Variants in SETBP1 observed in about 807,000 individuals in gnomAD.
SETBP1 encodes SET binding protein 1, also known as SET-binding protein.
A neutral mutation model predicts 101.0 loss-of-function variants in SETBP1; 9 were observed. That is an observed-to-expected ratio of 0.09 (90% CI 0.05 to 0.16). The LOEUF is 0.16. Ranked by LOEUF, SETBP1 falls within the 10% of genes least tolerant of loss-of-function variation. SETBP1 has a pLI of 1.00. For synonymous variants in SETBP1, 818 were observed against 788.5 expected (o/e 1.04, Z -0.63); for missense variants, 1,858 against 2,033.8 (o/e 0.91, Z 1.66).
chr18:45,027,538 G>C (rs1355798430), intron 4 of SETBP1, among the ~76,000 whole-genome samples: 2 of 152,134 alleles, frequency 1.3e-5, no homozygotes, highest in African/African-American at 4.8e-5. Context: ...CAAGATATAG[G>C]AAAAGAATAT....
chr18:44,950,157 A>G lies in SETBP1; in HGVS notation c.817A>G (p.Thr273Ala), dbSNP rs774513800. 3 of 1,613,762 alleles carry G rather than the reference A, an allele frequency of 1.9e-6. No individual in the cohort carries two copies. The highest frequency in any genetic ancestry group is 1.7e-6 in the Non-Finnish European group (2 of 1,180,054). Residue 273 changes from threonine (T) to alanine (A), a missense_variant, in exon 4 of 6, where the codon ACG becomes GCG. By Grantham distance (58) the Thr-to-Ala change is moderately conservative (BLOSUM62 0). This residue lies in a region of SETBP1 where 581 missense variants were observed against 535.1 expected (regional missense o/e 1.09). Transcript: ENST00000649279. ...GGGTAAGAAAGGCAGTGCAGGGAAC[A>G]CGTGGAGTCAGTTGTCTAACAATAA... Reference protein sequence around the residue: ...AQGKKGSAGNTWSQLSNNNKD... With the variant: ...AQGKKGSAGNAWSQLSNNNKD...
intron 4 of SETBP1, among the ~76,000 whole-genome samples, chr18:44,967,865 C>T (rs1010596663): frequency 6.6e-6 from 1 of 152,202 alleles, no homozygotes; most frequent in Non-Finnish European, 1.5e-5. Context: ...CACCTTCTGG[C>T]TTTGCACATG....
chr18:44,906,152 G>A (rs2070170554), intron 3 of SETBP1, among the ~76,000 whole-genome samples: 1 of 152,160 alleles, frequency 6.6e-6, no homozygotes, highest in African/African-American at 2.4e-5. Flanking sequence ...AAAGACTCCA[G>A]GGGACACTGG....
At chr18:44,758,674 G>A (rs757462986) in intron 2 of SETBP1, among the ~76,000 whole-genome samples, 11 of 152,168 alleles carry the variant, frequency 7.2e-5, no homozygotes, top group Non-Finnish European at 1.5e-4. Context: ...GAGCCACCAC[G>A]CCCGGCCTGA....
rs141858699 is a variant in SETBP1, at chr18:44,950,108, C to T, written c.768C>T (p.Pro256=). The change falls in exon 4 of 6, where the codon CCC becomes CCT. Residue 256 remains proline (P), a synonymous_variant. Transcript: ENST00000649279. The stretch of plus-strand genomic sequence containing the variant: ...CCAGCAAGATCCCCGCTCTTGAGCC[C>T]GTGGCTTCCTTTGCAAAGGCCCAGG... The part of the protein sequence containing the change: ...ASTSKIPALE[P]VASFAKAQGK... 377 of 1,613,948 alleles carry T rather than the reference C, an allele frequency of 2.3e-4. No homozygotes were observed. The highest frequency in any genetic ancestry group is 2.9e-4 in the Non-Finnish European group (347 of 1,180,056).
chr18:44,684,264 A>C (rs1598986215), intron 1 of SETBP1, among the ~76,000 whole-genome samples: 1 of 152,056 alleles, frequency 6.6e-6, no homozygotes, highest in Admixed American at 6.6e-5. Context: ...TGTTTTACAA[A>C]CTCTTCATGA....
At position 45,017,563 on chromosome 18, in the gene SETBP1, C is replaced by T. The variant is rs1204570928; in HGVS notation, c.4001-20922C>T. On this transcript the variant is annotated intron_variant, in intron 4 of 5. Transcript: ENST00000649279. ...TTTTAGGGACTGGGATATGGTTTTC[C>T]ACTGGTGACAGAGACAAAGAGGTGG... Among the ~76,000 whole-genome samples the T allele has an allele frequency of 2.0e-5, 3 of 152,300 alleles. No homozygotes were observed. In the East Asian group the frequency reaches 5.8e-4, roughly 29 times the overall value.
At chr18:44,886,092 C>G (rs1599275935) in intron 3 of SETBP1, among the ~76,000 whole-genome samples, 2 of 152,116 alleles carry the variant, frequency 1.3e-5, no homozygotes, top group Middle Eastern at 6.8e-3. Context: ...AATTAGAAAA[C>G]AACATGACCA....
At chr18:44,927,594 G>A (rs1294161624) in intron 3 of SETBP1, among the ~76,000 whole-genome samples, 1 of 152,170 alleles carries the variant, frequency 6.6e-6, no homozygotes, top group Non-Finnish European at 1.5e-5. Flanking sequence ...TGAGCTATTT[G>A]GCCCGAAATA....
At chr18:44,730,552 T>A (rs2069816595) in intron 2 of SETBP1, among the ~76,000 whole-genome samples, 1 of 152,246 alleles carries the variant, frequency 6.6e-6, no homozygotes, top group Admixed American at 6.5e-5. Flanking sequence ...CTGTGTTGCT[T>A]GGTCTCTCCA....
intron 4 of SETBP1, among the ~76,000 whole-genome samples, chr18:44,968,458 A>G (rs1567999027): frequency 1.3e-5 from 2 of 152,164 alleles, no homozygotes; most frequent in Admixed American, 6.5e-5. Flanking sequence ...TGGTAAATTC[A>G]TCTATGTGGA....
At chr18:44,911,632 T>C (rs1372284674) in intron 3 of SETBP1, among the ~76,000 whole-genome samples, 2 of 152,216 alleles carry the variant, frequency 1.3e-5, no homozygotes, top group Non-Finnish European at 2.9e-5. Flanking sequence ...AATGTTCTCC[T>C]CACTCTGCTT....
intron 1 of SETBP1, among the ~76,000 whole-genome samples, chr18:44,697,921 C>A (rs547117830): frequency 4.6e-5 from 7 of 152,252 alleles, no homozygotes; most frequent in African/African-American, 1.4e-4. Flanking sequence ...AATTGCATGG[C>A]CGGCATTGCA....
At chr18:44,733,476 C>T (rs892991132) in intron 2 of SETBP1, among the ~76,000 whole-genome samples, 1 of 152,176 alleles carries the variant, frequency 6.6e-6, no homozygotes, top group African/African-American at 2.4e-5. Flanking sequence ...ATCTCTGTCC[C>T]CAAATGCTTG....
intron 5 of SETBP1, among the ~76,000 whole-genome samples, chr18:45,041,799 A>T (rs949447769): frequency 1.3e-5 from 2 of 152,018 alleles, no homozygotes; most frequent in Admixed American, 1.3e-4. Context: ...TCTACTAAAA[A>T]TACAAAAATT....
In SETBP1 at chr18:44,941,491, A is replaced by T. The variant is rs79740602; in HGVS notation, c.541-8390A>T. On this transcript the variant is annotated intron_variant, in intron 3 of 5. Transcript: ENST00000649279. ...TACAGTGTGCTTAGATGTGGTTTTCATGGGTGTTTTTATTCTGCTTGGGAT... is the reference window on the plus strand; with the variant it reads ...TACAGTGTGCTTAGATGTGGTTTTCTTGGGTGTTTTTATTCTGCTTGGGAT... Among the ~76,000 whole-genome samples, 97 of 151,952 alleles carry T rather than the reference A, an allele frequency of 6.4e-4. 1 individual carries two copies. In the East Asian group the frequency reaches 0.016, roughly 25 times the overall value.
intron 2 of SETBP1, among the ~76,000 whole-genome samples, chr18:44,751,705 T>C (rs2070383039): frequency 6.6e-6 from 1 of 152,214 alleles, no homozygotes; most frequent in South Asian, 2.1e-4. Context: ...TCTTAGTAAA[T>C]CCTTAATAAA....
chr18:44,926,328 G>A (rs1161520728), intron 3 of SETBP1, among the ~76,000 whole-genome samples: 1 of 152,094 alleles, frequency 6.6e-6, no homozygotes, highest in Admixed American at 6.6e-5. Flanking sequence ...ATTATCAAAG[G>A]CTGGGAGAAA....
chr18:44,878,609 G>A (rs539880217), intron 3 of SETBP1, among the ~76,000 whole-genome samples: 2 of 152,118 alleles, frequency 1.3e-5, no homozygotes, highest in Non-Finnish European at 2.9e-5. Context: ...AGCTTGAGAG[G>A]TTTCTTTTTC....
Sources: allele counts gnomAD v4.1 joint callset (sites outside exome capture counted in the v4.1 genomes callset), GRCh38; gene constraint gnomAD v4.1.1; regional missense constraint gnomAD v4.1.1; transcripts MANE v1.5; gene names NCBI Gene and HGNC (gene_info 2026-07-23, HGNC 2026-07-21).